KCNH1: variants seen among roughly 807,000 people sequenced by gnomAD.
The protein encoded by KCNH1 is voltage-gated delayed rectifier potassium channel KCNH1.
A neutral mutation model predicts 69.2 loss-of-function variants in KCNH1; 27 were observed. That is an observed-to-expected ratio of 0.39 (90% confidence interval 0.29 to 0.54). The LOEUF (loss-of-function observed/expected upper bound fraction) is 0.54, where lower values mean the gene tolerates loss of function less well. KCNH1 is among the 20% of genes least tolerant of loss of function. KCNH1 has a pLI of 0.68. For missense variants in KCNH1, 798 were observed against 1,261.6 expected (o/e 0.63, Z 5.57); for synonymous variants, 456 against 487.7 (o/e 0.93, Z 0.86).
intron 5 of KCNH1, among the ~76,000 whole-genome samples, chr1:211,040,140 A>G (rs1170001186): frequency 6.6e-6 from 1 of 151,802 alleles, no homozygotes; most frequent in Admixed American, 6.6e-5. Flanking sequence ...GCAGTGAGCC[A>G]AGATCGTGCC....
intron 7 of KCNH1, among the ~76,000 whole-genome samples, chr1:210,829,798 C>A (rs2102437604): frequency 6.6e-6 from 1 of 152,256 alleles, no homozygotes; most frequent in Non-Finnish European, 1.5e-5. Context: ...TTGCAATTTC[C>A]TTTACCAAGC....
chr1:210,930,220 C>T (rs1377316494), intron 6 of KCNH1, among the ~76,000 whole-genome samples: 3 of 152,114 alleles, frequency 2.0e-5, no homozygotes, highest in African/African-American at 7.2e-5. Flanking sequence ...GCCCACATAG[C>T]CAAAGCAAGA....
intron 7 of KCNH1, among the ~76,000 whole-genome samples, chr1:210,905,465 G>A (rs1687082156): frequency 6.6e-6 from 1 of 152,012 alleles, no homozygotes; most frequent in African/African-American, 2.4e-5. Flanking sequence ...GTCTGATCAG[G>A]ATCCAAATGG....
At chr1:211,093,431 G>A (rs866538429) in intron 3 of KCNH1, among the ~76,000 whole-genome samples, 1 of 152,108 alleles carries the variant, frequency 6.6e-6, no homozygotes, top group African/African-American at 2.4e-5. Flanking sequence ...GACTAGAGGT[G>A]CATGCCACCA....
At chr1:211,044,939 G>A (rs1690065221) in intron 5 of KCNH1, among the ~76,000 whole-genome samples, 1 of 150,778 alleles carries the variant, frequency 6.6e-6, no homozygotes. Flanking sequence ...TATATAAAAA[G>A]GATGCTTGCA....
intron 2 of KCNH1, among the ~76,000 whole-genome samples, chr1:211,105,139 C>T (rs900324041): frequency 1.3e-5 from 2 of 152,154 alleles, no homozygotes; most frequent in Non-Finnish European, 2.9e-5. Context: ...TGCTTTGGGG[C>T]TGTACTCTTT....
At chr1:210,960,713 A>C (rs969223370) in intron 6 of KCNH1, among the ~76,000 whole-genome samples, 1 of 152,184 alleles carries the variant, frequency 6.6e-6, no homozygotes, top group Non-Finnish European at 1.5e-5. Context: ...AGCTGCTATG[A>C]AGATCTGTGT....
intron 6 of KCNH1, among the ~76,000 whole-genome samples, chr1:210,974,200 C>T (rs1253290510): frequency 6.6e-6 from 1 of 152,060 alleles, no homozygotes; most frequent in Non-Finnish European, 1.5e-5. Context: ...AAGTTCCTTT[C>T]TATTTCTAGT....
intron 7 of KCNH1, among the ~76,000 whole-genome samples, chr1:210,906,476 G>A (rs542554275): frequency 2.0e-5 from 3 of 152,306 alleles, no homozygotes; most frequent in African/African-American, 7.2e-5. Context: ...ATCAAGTACT[G>A]GAGAGAAGTG....
intron 3 of KCNH1, among the ~76,000 whole-genome samples, chr1:211,100,923 T>C (rs750593468): frequency 1.3e-5 from 2 of 152,220 alleles, no homozygotes; most frequent in Non-Finnish European, 2.9e-5. Flanking sequence ...TGAGTTCTTA[T>C]GCATGTCAAA....
At chr1:210,801,695 G>GC (rs1175306766) in intron 8 of KCNH1, among the ~76,000 whole-genome samples, 2 of 152,224 alleles carry the variant, frequency 1.3e-5, no homozygotes, top group Non-Finnish European at 2.9e-5. Flanking sequence ...GGGAAAAGGA[G>GC]CCCTAGGGCA....
intron 6 of KCNH1, among the ~76,000 whole-genome samples, chr1:210,966,677 C>A (rs543963390): frequency 1.3e-5 from 2 of 152,180 alleles, no homozygotes; most frequent in Non-Finnish European, 2.9e-5. Context: ...TACCATCTCA[C>A]GCCACTTAGA....
intron 7 of KCNH1, among the ~76,000 whole-genome samples, chr1:210,918,078 G>C (rs1687384536): frequency 6.6e-6 from 1 of 152,128 alleles, no homozygotes; most frequent in Non-Finnish European, 1.5e-5. Context: ...GGAAAACTCT[G>C]CCTGCAGAGA....
chr1:210,723,221 T>C (rs1482651266), intron 10 of KCNH1, among the ~76,000 whole-genome samples: 1 of 152,126 alleles, frequency 6.6e-6, no homozygotes, highest in Non-Finnish European at 1.5e-5. Context: ...AATGATACCT[T>C]ACATTTTTTA....
chr1:210,781,208 C>T (rs753811820), intron 9 of KCNH1, among the ~76,000 whole-genome samples: 56 of 152,182 alleles, frequency 3.7e-4, no homozygotes, highest in Non-Finnish European at 6.6e-4. Flanking sequence ...CTCACCTCAG[C>T]ACCTTCCACA....
chr1:210,831,916 C>T (rs551196342), intron 7 of KCNH1, among the ~76,000 whole-genome samples: 3 of 152,272 alleles, frequency 2.0e-5, no homozygotes, highest in African/African-American at 7.2e-5. Flanking sequence ...TAACCACTAG[C>T]AACACATGGC....
At chr1:211,107,444 GA>G in intron 1 of KCNH1, 67 bp from the exon 2 acceptor site, 1 of 1,475,230 alleles carries the variant, frequency 6.8e-7, no homozygotes, top group Non-Finnish European at 9.3e-7. Flanking sequence ...ATTCAATGAG[GA>G]CATAAATAAT....
chr1:211,127,930 T>A (rs766386371), intron 1 of KCNH1, among the ~76,000 whole-genome samples: 2 of 152,008 alleles, frequency 1.3e-5, no homozygotes, highest in Non-Finnish European at 2.9e-5. Flanking sequence ...CTGGAAACAA[T>A]CCATCAGTGG....
At chr1:210,898,294 T>C (rs1314722284) in intron 7 of KCNH1, among the ~76,000 whole-genome samples, 1 of 152,178 alleles carries the variant, frequency 6.6e-6, no homozygotes, top group Non-Finnish European at 1.5e-5. Context: ...ACTGGGGATC[T>C]GTCAAGGGCA....
Sources: allele counts gnomAD v4.1 joint callset (sites outside exome capture counted in the v4.1 genomes callset), GRCh38; gene constraint gnomAD v4.1.1; transcripts MANE v1.5; gene names NCBI Gene and HGNC (gene_info 2026-07-23, HGNC 2026-07-21).